FHIT: variants seen among roughly 807,000 people sequenced by gnomAD.
The protein encoded by FHIT is fragile histidine triad diadenosine triphosphatase.
In FHIT, 19 loss-of-function variants were observed where a neutral mutation model predicts 17.9. The observed-to-expected ratio is 1.06, with a 90% CI of 0.74 to 1.56. The LOEUF is 1.56. Ranked by LOEUF, FHIT falls within the 40% of genes most tolerant of loss-of-function variation. The pLI, the probability that FHIT is intolerant of heterozygous loss-of-function variation, is 0.00. For missense variants in FHIT, 248 were observed against 189.2 expected (o/e 1.31, Z -1.82); for synonymous variants, 81 against 69.7 (o/e 1.16, Z -0.81).
intron 4 of FHIT, among the ~76,000 whole-genome samples, chr3:60,574,998 A>G (rs1028009768): frequency 6.6e-6 from 1 of 151,590 alleles, no homozygotes; most frequent in Non-Finnish European, 1.5e-5. Context: ...TCACATCTTT[A>G]TGGGCCCAAG....
At chr3:59,852,365 G>A (rs1211944710) in intron 8 of FHIT, among the ~76,000 whole-genome samples, 1 of 152,168 alleles carries the variant, frequency 6.6e-6, no homozygotes, top group Admixed American at 6.5e-5. Context: ...TTTTAAAACA[G>A]TAAAGACTTT....
At chr3:59,770,980 A>G (rs1702048198) in intron 8 of FHIT, among the ~76,000 whole-genome samples, 1 of 152,228 alleles carries the variant, frequency 6.6e-6, no homozygotes. Context: ...TCAAGCTTAG[A>G]TGGTGCCTGT....
intron 7 of FHIT, among the ~76,000 whole-genome samples, chr3:59,976,569 G>A (rs890818235): frequency 6.6e-6 from 1 of 151,966 alleles, no homozygotes; most frequent in Non-Finnish European, 1.5e-5. Flanking sequence ...AAAGAAAAAG[G>A]GGTGAAATTC....
intron 2 of FHIT, among the ~76,000 whole-genome samples, chr3:61,055,363 G>A (rs982230689): frequency 6.6e-6 from 1 of 151,976 alleles, no homozygotes; most frequent in Admixed American, 6.6e-5. Flanking sequence ...GCCTAATTAG[G>A]GTCTCGTCCA....
chr3:60,456,208 T>G (rs1022465468), intron 5 of FHIT, among the ~76,000 whole-genome samples: 1 of 152,254 alleles, frequency 6.6e-6, no homozygotes, highest in African/African-American at 2.4e-5. Context: ...CAAATATTTT[T>G]AAAGTATAAC....
At chr3:59,909,310 G>A (rs1275695550) in intron 8 of FHIT, among the ~76,000 whole-genome samples, 3 of 151,624 alleles carry the variant, frequency 2.0e-5, no homozygotes, top group African/African-American at 2.4e-5. Context: ...GGGATTACTC[G>A]CATGAGCCAC....
chr3:59,840,577 G>A (rs140900496), intron 8 of FHIT, among the ~76,000 whole-genome samples: 6 of 152,024 alleles, frequency 3.9e-5, no homozygotes, highest in Non-Finnish European at 5.9e-5. Context: ...AAGCAAGCAC[G>A]CAGGAATGGA....
At chr3:60,066,774 A>T (rs1702532394) in intron 5 of FHIT, among the ~76,000 whole-genome samples, 1 of 149,884 alleles carries the variant, frequency 6.7e-6, no homozygotes, top group Non-Finnish European at 1.5e-5. Context: ...CTCCTGCCTC[A>T]GCCTCCCGAG....
In FHIT at chr3:60,160,557, CT is replaced by C. The variant is rs1438612366; in HGVS notation, c.104-146406del. On this transcript the variant is annotated intron_variant, in intron 5 of 9. Transcript: ENST00000492590. ...CCATCCACTCACAGGACTTCTCAAG[CT>C]GGAGCCCTTAGTTGAGCTGATTTTA... Among the ~76,000 whole-genome samples the C allele has an allele frequency of 2.6e-5, 4 of 152,328 alleles. No individual in the cohort carries two copies. In the East Asian group the frequency reaches 7.7e-4, roughly 29 times the overall value.
chr3:60,026,289 A>G (rs1700738193), intron 5 of FHIT, among the ~76,000 whole-genome samples: 2 of 150,796 alleles, frequency 1.3e-5, no homozygotes, highest in Admixed American at 6.6e-5. Flanking sequence ...CACACCAACA[A>G]ATAAAAGCTG....
intron 4 of FHIT, among the ~76,000 whole-genome samples, chr3:60,774,005 G>A (rs1182975312): frequency 6.6e-6 from 1 of 152,178 alleles, no homozygotes; most frequent in African/African-American, 2.4e-5. Context: ...TTTCAGTCTG[G>A]ATTTGGGGTT....
At chr3:60,316,420 T>C (rs961934913) in intron 5 of FHIT, among the ~76,000 whole-genome samples, 2 of 152,168 alleles carry the variant, frequency 1.3e-5, no homozygotes, top group African/African-American at 4.8e-5. Context: ...TAGGATAGGT[T>C]GAAAATTAAA....
At chr3:60,251,395 C>T (rs189594284) in intron 5 of FHIT, among the ~76,000 whole-genome samples, 1 of 151,900 alleles carries the variant, frequency 6.6e-6, no homozygotes, top group East Asian at 1.9e-4. Flanking sequence ...ATGCAAGCAC[C>T]CAACCACCCT....
intron 2 of FHIT, among the ~76,000 whole-genome samples, chr3:61,069,006 G>C (rs2034708503): frequency 6.6e-6 from 1 of 152,144 alleles, no homozygotes; most frequent in Non-Finnish European, 1.5e-5. Context: ...GAAATTCTTG[G>C]TTGAGAGAAA....
In FHIT at chr3:60,798,662, T is replaced by A. The variant is rs537377432; in HGVS notation, c.-18+23257A>T. On this transcript the variant is annotated intron_variant, in intron 4 of 9. Coordinates refer to ENST00000492590, the MANE Select transcript of FHIT (RefSeq NM_002012.4). ...GAGACAAAGGCCCTACTGTCTTGAATTACAGTCTAGTAAATTCTAGTGCAC... is the reference window on the plus strand; with the variant it reads ...GAGACAAAGGCCCTACTGTCTTGAAATACAGTCTAGTAAATTCTAGTGCAC... Among the ~76,000 whole-genome samples, 10 of 152,128 alleles carry A rather than the reference T, an allele frequency of 6.6e-5. No homozygotes were observed. The South Asian group carries it at 1.9e-3, about 28-fold the overall frequency.
intron 7 of FHIT, among the ~76,000 whole-genome samples, chr3:59,974,610 G>A (rs1484418570): frequency 1.3e-5 from 2 of 152,128 alleles, no homozygotes; most frequent in African/African-American, 2.4e-5. Flanking sequence ...AGTGAAGGAT[G>A]AGTCTATGTA....
Position 60,660,729 on chromosome 3 carries a change from CTTTTT to C in FHIT, c.-17-123755_-17-123751del. Among the ~76,000 whole-genome samples, 39 of 37,280 alleles carry C rather than the reference CTTTTT, an allele frequency of 1.0e-3. 1 individual carries two copies. In the South Asian group the frequency reaches 0.018, roughly 17 times the overall value. 24.5% of individuals were successfully genotyped at this position (37,280 alleles called of 152,430 possible). A position where few individuals can be genotyped will look rare whatever the true frequency, so the allele number is the denominator to read the frequency against. ...GATGTGGAATATCTTTTATTGTGCT[CTTTTT>C]TTTTTTTTTTTTTTTTGCCATCTGC... On this transcript the variant is annotated intron_variant, in intron 4 of 9. Transcript: ENST00000492590.
chr3:60,228,522 C>T (rs1355425041), intron 5 of FHIT, among the ~76,000 whole-genome samples: 3 of 152,140 alleles, frequency 2.0e-5, no homozygotes, highest in African/African-American at 7.2e-5. Flanking sequence ...ATAAAACACA[C>T]ATCCATGGCT....
At chr3:60,105,215 C>A (rs1394715170) in intron 5 of FHIT, among the ~76,000 whole-genome samples, 1 of 152,158 alleles carries the variant, frequency 6.6e-6, no homozygotes, top group Non-Finnish European at 1.5e-5. Context: ...GTACCAGGCA[C>A]TCACTGGTTC....
Sources: allele counts gnomAD v4.1 joint callset (sites outside exome capture counted in the v4.1 genomes callset), GRCh38; gene constraint gnomAD v4.1.1; transcripts MANE v1.5; gene names NCBI Gene and HGNC (gene_info 2026-07-23, HGNC 2026-07-21).